Variants in CNTN6 observed in about 807,000 individuals in gnomAD.
CNTN6 encodes contactin-6.
CNTN6 carries 137 observed loss-of-function variants against 122.8 expected under a neutral mutation model. That is an observed-to-expected ratio of 1.12 (90% CI 0.97 to 1.29). The LOEUF is 1.29. CNTN6 is among the 50% of genes most tolerant of loss of function. The pLI is 0.00. For missense variants in CNTN6, 1,634 were observed against 1,223.4 expected (o/e 1.34, Z -5.01); for synonymous variants, 570 against 426.0 (o/e 1.34, Z -4.16).
At chr3:1,136,272 A>G (rs188107354) in intron 1 of CNTN6, among the ~76,000 whole-genome samples, 114 of 152,244 alleles carry the variant, frequency 7.5e-4, no homozygotes, top group Non-Finnish European at 2.9e-4. Context: ...ACTTACTCAA[A>G]CTACATTGTT....
intron 9 of CNTN6, 89 bp downstream of exon 9, chr3:1,326,040 A>C: frequency 9.0e-7 from 1 of 1,111,904 alleles, no homozygotes; most frequent in Non-Finnish European, 1.3e-6. Context: ...GAAACAGCTA[A>C]TGTTAATGGA....
At chr3:1,122,637 A>G (rs1472247967) in intron 1 of CNTN6, among the ~76,000 whole-genome samples, 1 of 151,782 alleles carries the variant, frequency 6.6e-6, no homozygotes, top group Non-Finnish European at 1.5e-5. Flanking sequence ...AACAACTACC[A>G]ATCTGTCCTC....
intron 2 of CNTN6, among the ~76,000 whole-genome samples, chr3:1,157,359 A>T (rs2092998110): frequency 6.6e-6 from 1 of 152,102 alleles, no homozygotes; most frequent in Admixed American, 6.5e-5. Context: ...CTAGGATTAC[A>T]GGCATGTGCC....
chr3:1,150,921 C>G (rs1377166676), intron 2 of CNTN6, among the ~76,000 whole-genome samples: 1 of 152,062 alleles, frequency 6.6e-6, no homozygotes, highest in Non-Finnish European at 1.5e-5. Context: ...CGTGAAGATG[C>G]TGCACTGCTA....
At chr3:1,164,337 G>T (rs1039054752) in intron 2 of CNTN6, among the ~76,000 whole-genome samples, 4 of 152,228 alleles carry the variant, frequency 2.6e-5, no homozygotes, top group African/African-American at 9.6e-5. Context: ...ACCTGCTCCA[G>T]TGCCCAAGAG....
At chr3:1,141,289 G>T (rs893498548) in intron 1 of CNTN6, among the ~76,000 whole-genome samples, 1 of 152,180 alleles carries the variant, frequency 6.6e-6, no homozygotes, top group Non-Finnish European at 1.5e-5. Context: ...CATTTGTTCT[G>T]ATGATGAACA....
chr3:1,162,436 A>C (rs1389789318), intron 2 of CNTN6, among the ~76,000 whole-genome samples: 1 of 152,202 alleles, frequency 6.6e-6, no homozygotes, highest in Admixed American at 6.5e-5. Context: ...TAAAAGTCTT[A>C]CAGAGAATCA....
chr3:1,290,916 C>A (rs868753039), intron 5 of CNTN6, among the ~76,000 whole-genome samples: 2 of 152,118 alleles, frequency 1.3e-5, no homozygotes, highest in East Asian at 1.9e-4. Flanking sequence ...AAGGTCTTTA[C>A]GATCTGTATC....
At chr3:1,116,263 G>GCCC (rs2091714906) in intron 1 of CNTN6, among the ~76,000 whole-genome samples, 1 of 152,112 alleles carries the variant, frequency 6.6e-6, no homozygotes, top group Non-Finnish European at 1.5e-5. Context: ...TATTGTAGTA[G>GCCC]TGTAGGAAAG....
chr3:1,341,191 T>A (rs949513429), intron 11 of CNTN6, among the ~76,000 whole-genome samples: 2 of 152,090 alleles, frequency 1.3e-5, no homozygotes, highest in Non-Finnish European at 2.9e-5. Flanking sequence ...TGTTGGTTTT[T>A]TTTTTTTAAT....
intron 11 of CNTN6, among the ~76,000 whole-genome samples, chr3:1,350,738 G>T (rs1458578708): frequency 6.6e-6 from 1 of 151,760 alleles, no homozygotes; most frequent in Non-Finnish European, 1.5e-5. Context: ...GATATCAGCA[G>T]ACCTATCATT....
Position 1,358,000 on chromosome 3 carries a change from C to G in CNTN6, c.1492+5549C>G, listed in dbSNP as rs61346290. ...CATCATTATCATCCAACATCTAGAACTTTTTTTATGTCACTTAATCCTTGT... is the reference window on the plus strand; with the variant it reads ...CATCATTATCATCCAACATCTAGAAGTTTTTTTATGTCACTTAATCCTTGT... On this transcript the variant is annotated intron_variant, in intron 12 of 22. Transcript: ENST00000446702. 7.2e-3 allele frequency among the ~76,000 whole-genome samples: 1,091 copies of G among 151,838 alleles called. 16 individuals are homozygous for G. The highest frequency in any genetic ancestry group is 0.025 in the African/African-American group (1,048 of 41,486).
chr3:1,118,010 A>G (rs13069364), intron 1 of CNTN6, among the ~76,000 whole-genome samples: 127,218 of 152,080 alleles, frequency 0.84, 54,536 homozygotes, highest in East Asian at 0.99. Context: ...CACTTCCCAA[A>G]TAAGCCCTTG....
intron 1 of CNTN6, among the ~76,000 whole-genome samples, chr3:1,142,007 T>C (rs1202651577): frequency 6.6e-6 from 1 of 152,132 alleles, no homozygotes; most frequent in Non-Finnish European, 1.5e-5. Context: ...CATCTCTGTT[T>C]AGGATAACTC....
intron 1 of CNTN6, among the ~76,000 whole-genome samples, chr3:1,096,263 G>A (rs901204237): frequency 2.6e-5 from 4 of 152,124 alleles, no homozygotes; most frequent in Non-Finnish European, 5.9e-5. Context: ...TTGTGTGTGT[G>A]TGTGTGAGTG....
intron 1 of CNTN6, among the ~76,000 whole-genome samples, chr3:1,123,825 C>T (rs1033537754): frequency 1.3e-5 from 2 of 151,968 alleles, no homozygotes; most frequent in African/African-American, 4.8e-5. Flanking sequence ...GCAGGTTTCC[C>T]TCCAATGTCC....
At chr3:1,358,691 C>G (rs1244731166) in intron 12 of CNTN6, among the ~76,000 whole-genome samples, 3 of 151,980 alleles carry the variant, frequency 2.0e-5, no homozygotes, top group African/African-American at 7.2e-5. Context: ...TTGACTCCCT[C>G]ATCCCAACAT....
At chr3:1,178,609 C>T (rs915557666) in intron 2 of CNTN6, among the ~76,000 whole-genome samples, 2 of 152,168 alleles carry the variant, frequency 1.3e-5, no homozygotes, top group Admixed American at 6.5e-5. Flanking sequence ...TTCCTTCCCC[C>T]CACTGTTTTC....
chr3:1,260,278 G>A (rs184839681), intron 4 of CNTN6, among the ~76,000 whole-genome samples: 1 of 152,240 alleles, frequency 6.6e-6, no homozygotes, highest in Non-Finnish European at 1.5e-5. Flanking sequence ...AATTGCCTGT[G>A]TGCCTGTGGC....
Sources: allele counts gnomAD v4.1 joint callset (sites outside exome capture counted in the v4.1 genomes callset), GRCh38; gene constraint gnomAD v4.1.1; transcripts MANE v1.5; gene names NCBI Gene and HGNC (gene_info 2026-07-23, HGNC 2026-07-21).